The following NUDCD3 variants were observed in gnomAD, a reference collection of about 807,000 sequenced individuals.
The protein encoded by NUDCD3 is NudC domain containing 3.
A neutral mutation model predicts 39.7 loss-of-function variants in NUDCD3; 13 were observed. The ratio of observed to expected loss-of-function variants is 0.33; its 90% CI spans 0.21 to 0.52. The LOEUF is 0.52. Ranked by LOEUF, NUDCD3 falls within the 20% of genes least tolerant of loss-of-function variation. The pLI is 0.96. For missense variants in NUDCD3, 453 were observed against 458.1 expected (o/e 0.99, Z 0.10); for synonymous variants, 175 against 172.4 (o/e 1.02, Z -0.12).
In NUDCD3 at chr7:44,383,166, G is replaced by A. The variant is rs1194974784; in HGVS notation, c.*2845C>T. ...CTGGGAGACTTCTGTGTCAGACACG[G>A]CGTTATGTCCTGGAGGAAGCCCATT... is the stretch of plus-strand genomic sequence containing the variant. On this transcript the variant is annotated 3_prime_UTR_variant, in exon 6 of 6. Coordinates refer to ENST00000355451, the MANE Select transcript of NUDCD3 (RefSeq NM_015332.4). The A allele has an allele frequency of 6.6e-6, 1 of 152,256 alleles. No individual in the cohort carries two copies. The highest frequency in any genetic ancestry group is 2.4e-5 in the African/African-American group (1 of 41,450). The allele number at this position is 152,256 out of a possible 1,614,324, so 9.4% of individuals were successfully genotyped here. A position where few individuals can be genotyped will look rare whatever the true frequency, so the allele number is the denominator to read the frequency against.
rs139471824 is a variant in NUDCD3, at chr7:44,414,462, C to T, written c.643-9879G>A. The stretch of plus-strand genomic sequence containing the variant: ...TAAGATCATCTTAAAAAGTGGAATG[C>T]ACCATCTGTGCTAAAGGTGGGGACA... On this transcript the variant is annotated intron_variant, in intron 3 of 5. Transcript: ENST00000355451. 3.0e-3 allele frequency among the ~76,000 whole-genome samples: 458 copies of T among 152,284 alleles called. 5 individuals are homozygous for T. The highest frequency in any genetic ancestry group is 0.01 in the African/African-American group (424 of 41,556).
At position 44,484,731 on chromosome 7, in the gene NUDCD3, G is replaced by C; in HGVS notation, c.509+237C>G. On this transcript the variant is annotated intron_variant, in intron 2 of 5. Coordinates refer to ENST00000355451, the MANE Select transcript of NUDCD3 (RefSeq NM_015332.4). Reference sequence around the variant, plus strand: ...GTCAAGTGCTCTAATTTTGGCTCTGGATCTCAAATGGTTGTATGACTACTG... The same window carrying C: ...GTCAAGTGCTCTAATTTTGGCTCTGCATCTCAAATGGTTGTATGACTACTG... 4 of 452,204 alleles carry C rather than the reference G, an allele frequency of 8.8e-6. No individual in the cohort carries two copies. The South Asian group carries it at 1.6e-4, about 18-fold the overall frequency. 28.0% of individuals were successfully genotyped at this position (452,204 alleles called of 1,614,324 possible). A position where few individuals can be genotyped will look rare whatever the true frequency, so the allele number is the denominator to read the frequency against.
intron 1 of NUDCD3, among the ~76,000 whole-genome samples, chr7:44,488,670 G>A (rs1800668724): frequency 6.6e-6 from 1 of 152,160 alleles, no homozygotes; most frequent in Admixed American, 6.5e-5. Flanking sequence ...CCAGGTGACA[G>A]TTCAGTTAAC....
At chr7:44,420,505 C>T (rs570373710) in intron 3 of NUDCD3, among the ~76,000 whole-genome samples, 2 of 152,070 alleles carry the variant, frequency 1.3e-5, no homozygotes, top group African/African-American at 2.4e-5. Context: ...GAGAACACCA[C>T]GAAGATACTC....
intron 3 of NUDCD3, among the ~76,000 whole-genome samples, chr7:44,415,560 G>T (rs1448797392): frequency 6.6e-6 from 1 of 152,156 alleles, no homozygotes; most frequent in Non-Finnish European, 1.5e-5. Context: ...AAAGCATTAT[G>T]CATACACTCT....
intron 2 of NUDCD3, among the ~76,000 whole-genome samples, chr7:44,456,404 G>A (rs1412667635): frequency 6.6e-6 from 1 of 152,168 alleles, no homozygotes; most frequent in Non-Finnish European, 1.5e-5. Flanking sequence ...CCAGCACAAG[G>A]TTAAACTCGA....
intron 2 of NUDCD3, among the ~76,000 whole-genome samples, chr7:44,448,589 C>T (rs781329533): frequency 6.6e-6 from 1 of 152,176 alleles, no homozygotes; most frequent in Non-Finnish European, 1.5e-5. Flanking sequence ...AAATAAAACT[C>T]CACTTAGATG....
chr7:44,405,988 C>T (rs1461531719), intron 3 of NUDCD3, among the ~76,000 whole-genome samples: 2 of 152,032 alleles, frequency 1.3e-5, no homozygotes, highest in African/African-American at 4.8e-5. Flanking sequence ...TTTGTAGAGA[C>T]AGGGGTCTTG....
chr7:44,391,599 CT>C (rs1210558484), intron 5 of NUDCD3, among the ~76,000 whole-genome samples: 24 of 152,300 alleles, frequency 1.6e-4, no homozygotes, highest in South Asian at 4.1e-4. Context: ...CAAGGCTGCA[CT>C]GCGTCCGCGT....
At chr7:44,469,293 T>C (rs889258315) in intron 2 of NUDCD3, among the ~76,000 whole-genome samples, 2 of 151,968 alleles carry the variant, frequency 1.3e-5, no homozygotes, top group Non-Finnish European at 2.9e-5. Context: ...CCTACCTCCT[T>C]TGGTCAGCTC....
intron 2 of NUDCD3, among the ~76,000 whole-genome samples, chr7:44,456,456 C>T (rs1799903683): frequency 6.6e-6 from 1 of 152,214 alleles, no homozygotes; most frequent in African/African-American, 2.4e-5. Flanking sequence ...CTCACTATTG[C>T]ACTCGACTTG....
At chr7:44,478,830 C>T (rs1334449778) in intron 2 of NUDCD3, among the ~76,000 whole-genome samples, 1 of 152,148 alleles carries the variant, frequency 6.6e-6, no homozygotes, top group Non-Finnish European at 1.5e-5. Flanking sequence ...AGAACACAGG[C>T]ACAAGGTTGC....
At chr7:44,403,810 T>C (rs544246594) in intron 4 of NUDCD3, among the ~76,000 whole-genome samples, 57 of 152,170 alleles carry the variant, frequency 3.7e-4, no homozygotes, top group Non-Finnish European at 6.2e-4. Context: ...AACACCCCAG[T>C]AGGAGAAAAA....
At chr7:44,427,105 A>G (rs1397294359) in intron 3 of NUDCD3, among the ~76,000 whole-genome samples, 2 of 152,218 alleles carry the variant, frequency 1.3e-5, no homozygotes, top group Non-Finnish European at 2.9e-5. Context: ...ATGTGAATGT[A>G]TGTTAGCTAT....
intron 2 of NUDCD3, among the ~76,000 whole-genome samples, chr7:44,447,615 C>A (rs118022097): frequency 1.3e-5 from 2 of 152,322 alleles, no homozygotes; most frequent in East Asian, 3.9e-4. Context: ...CACTTGACAA[C>A]TGAACCTGCC....
intron 3 of NUDCD3, among the ~76,000 whole-genome samples, chr7:44,425,217 G>T (rs770628296): frequency 2.6e-5 from 4 of 151,958 alleles, no homozygotes; most frequent in Non-Finnish European, 5.9e-5. Flanking sequence ...CTAGATGACG[G>T]GTTGATAGGC....
At chr7:44,402,530 C>A in intron 4 of NUDCD3, 1 of 402,610 alleles carries the variant, frequency 2.5e-6, no homozygotes, top group Non-Finnish European at 5.1e-6. Flanking sequence ...GATTGTAATC[C>A]CAAAAGATTC....
At chr7:44,411,346 T>C (rs1384063210) in intron 3 of NUDCD3, among the ~76,000 whole-genome samples, 1 of 151,956 alleles carries the variant, frequency 6.6e-6, no homozygotes, top group Non-Finnish European at 1.5e-5. Context: ...AGACAACCCA[T>C]AAAATGGGAG....
At chr7:44,426,515 G>A (rs1234181879) in intron 3 of NUDCD3, among the ~76,000 whole-genome samples, 8 of 152,172 alleles carry the variant, frequency 5.3e-5, no homozygotes, top group East Asian at 1.9e-4. Flanking sequence ...TAGCAAGGGA[G>A]GCCGGGCGCG....
Sources: gnomAD v4.1 joint callset for allele counts (sites outside exome capture counted in the v4.1 genomes callset) on GRCh38, gnomAD v4.1.1 for gene constraint, MANE v1.5 for transcripts, NCBI Gene and HGNC (gene_info 2026-07-23, HGNC 2026-07-21) for gene names.